Variants in SGCZ observed in about 807,000 individuals in gnomAD.
SGCZ encodes zeta-sarcoglycan.
SGCZ carries 40 observed loss-of-function variants against 41.3 expected under a neutral mutation model. The observed-to-expected ratio is 0.97, with a 90% CI of 0.75 to 1.26. The LOEUF (loss-of-function observed/expected upper bound fraction) is 1.26. Among genes scored for constraint, SGCZ ranks in the 50% most tolerant of loss-of-function variants. The probability of loss-of-function intolerance (pLI) is 0.00; values close to 1 mark genes in which losing one functional copy is unlikely to be tolerated. For synonymous variants in SGCZ, 206 were observed against 137.5 expected, an observed-to-expected ratio of 1.50 and a Z score of -3.49; for missense variants, 552 against 369.8, an observed-to-expected ratio of 1.49 and a Z score of -4.04.
At chr8:14,828,697 A>G (rs1316163589) in intron 1 of SGCZ, among the ~76,000 whole-genome samples, 3 of 152,184 alleles carry the variant, frequency 2.0e-5, no homozygotes, top group African/African-American at 7.2e-5. Context: ...GGGATGCTCA[A>G]GGCATTTTGC....
intron 1 of SGCZ, among the ~76,000 whole-genome samples, chr8:14,604,746 T>C (rs1305334575): frequency 6.6e-6 from 1 of 152,184 alleles, no homozygotes; most frequent in Non-Finnish European, 1.5e-5. Flanking sequence ...ATTGTTACTT[T>C]TACTTAAATA....
intron 1 of SGCZ, among the ~76,000 whole-genome samples, chr8:15,009,368 C>A (rs1301316004): frequency 6.6e-6 from 1 of 152,260 alleles, no homozygotes; most frequent in Non-Finnish European, 1.5e-5. Context: ...GCCCCCATGA[C>A]CCAATCATCT....
At chr8:14,938,434 A>G (rs1027085770) in intron 1 of SGCZ, among the ~76,000 whole-genome samples, 1 of 152,178 alleles carries the variant, frequency 6.6e-6, no homozygotes, top group Non-Finnish European at 1.5e-5. Flanking sequence ...GAAGACATTT[A>G]TGATGATTCA....
intron 1 of SGCZ, among the ~76,000 whole-genome samples, chr8:14,733,838 C>T (rs1798944869): frequency 6.6e-6 from 1 of 152,262 alleles, no homozygotes; most frequent in South Asian, 2.1e-4. Flanking sequence ...AAATCCTAAG[C>T]AATTTTAAGG....
intron 1 of SGCZ, among the ~76,000 whole-genome samples, chr8:14,978,939 C>T (rs889379504): frequency 2.6e-5 from 4 of 152,122 alleles, no homozygotes; most frequent in African/African-American, 9.7e-5. Context: ...GCTGGGACTA[C>T]AGGCATGTGC....
At chr8:14,752,713 G>C (rs1236645336) in intron 1 of SGCZ, among the ~76,000 whole-genome samples, 1 of 152,160 alleles carries the variant, frequency 6.6e-6, no homozygotes, top group Non-Finnish European at 1.5e-5. Context: ...TCTAGAAATT[G>C]TATGGCAGTT....
At chr8:14,558,401 C>G (rs1483410460) in intron 1 of SGCZ, among the ~76,000 whole-genome samples, 1 of 152,032 alleles carries the variant, frequency 6.6e-6, no homozygotes, top group Non-Finnish European at 1.5e-5. Flanking sequence ...ATGGGAAAAT[C>G]CCATCTCTAC....
intron 1 of SGCZ, among the ~76,000 whole-genome samples, chr8:14,726,933 G>A (rs1810075493): frequency 6.6e-6 from 1 of 151,946 alleles, no homozygotes; most frequent in Non-Finnish European, 1.5e-5. Flanking sequence ...TGAGCTTCAC[G>A]AATCATGAAG....
intron 1 of SGCZ, among the ~76,000 whole-genome samples, chr8:14,656,016 C>T (rs1807556564): frequency 6.6e-6 from 1 of 152,102 alleles, no homozygotes; most frequent in South Asian, 2.1e-4. Flanking sequence ...TGAAGCACAT[C>T]AGGGTTGCTT....
chr8:14,529,078 C>T (rs1373369183), intron 2 of SGCZ, among the ~76,000 whole-genome samples: 4 of 152,070 alleles, frequency 2.6e-5, no homozygotes, highest in Non-Finnish European at 5.9e-5. Context: ...TCATCAACCA[C>T]TTTTATGACC....
At chr8:14,869,872 G>A (rs966954975) in intron 1 of SGCZ, among the ~76,000 whole-genome samples, 10 of 152,048 alleles carry the variant, frequency 6.6e-5, no homozygotes, top group Non-Finnish European at 1.5e-4. Flanking sequence ...CAACTTACAA[G>A]GAATGTGAAG....
intron 1 of SGCZ, among the ~76,000 whole-genome samples, chr8:14,581,096 C>T (rs1444935919): frequency 6.6e-6 from 1 of 151,978 alleles, no homozygotes; most frequent in African/African-American, 2.4e-5. Context: ...ACTTTGGTTA[C>T]TAATTTTTTT....
chr8:14,092,623 AAC>A (rs1563120975), intron 7 of SGCZ, among the ~76,000 whole-genome samples: 1 of 151,944 alleles, frequency 6.6e-6, no homozygotes, highest in Non-Finnish European at 1.5e-5. Flanking sequence ...CAGGGTAGTG[AAC>A]AAGTCTGACA....
chr8:14,336,980 G>T (rs895847771), intron 2 of SGCZ, among the ~76,000 whole-genome samples: 1 of 152,100 alleles, frequency 6.6e-6, no homozygotes, highest in Admixed American at 6.6e-5. Context: ...ACTGTTCCAG[G>T]TGTACAGAGG....
intron 2 of SGCZ, among the ~76,000 whole-genome samples, chr8:14,451,741 A>C (rs1800600012): frequency 6.6e-6 from 1 of 152,224 alleles, no homozygotes; most frequent in Non-Finnish European, 1.5e-5. Context: ...CATATAAAAA[A>C]TGTCCAACAT....
intron 2 of SGCZ, among the ~76,000 whole-genome samples, chr8:14,506,916 T>A (rs1188393895): frequency 6.6e-6 from 1 of 152,158 alleles, no homozygotes; most frequent in African/African-American, 2.4e-5. Flanking sequence ...TAGACTTTGA[T>A]GTTGACCAGG....
chr8:15,104,590 C>G (rs950153143), intron 1 of SGCZ, among the ~76,000 whole-genome samples: 1 of 152,122 alleles, frequency 6.6e-6, no homozygotes, highest in African/African-American at 2.4e-5. Flanking sequence ...TGTGTTCTTC[C>G]AAAAATGTTT....
intron 5 of SGCZ, among the ~76,000 whole-genome samples, chr8:14,163,794 T>C (rs750277995): frequency 6.6e-6 from 1 of 152,180 alleles, no homozygotes; most frequent in Non-Finnish European, 1.5e-5. Context: ...TTAATATGGA[T>C]AGATACGCAT....
At chr8:14,708,485 C>A (rs1191416319) in intron 1 of SGCZ, among the ~76,000 whole-genome samples, 1 of 151,504 alleles carries the variant, frequency 6.6e-6, no homozygotes, top group Non-Finnish European at 1.5e-5. Flanking sequence ...CAACCCACAG[C>A]AATAAACATT....
Sources: allele counts gnomAD v4.1 joint callset (sites outside exome capture counted in the v4.1 genomes callset), GRCh38; gene constraint gnomAD v4.1.1; transcripts MANE v1.5; gene names NCBI Gene and HGNC (gene_info 2026-07-23, HGNC 2026-07-21).